MAK: variants seen among roughly 807,000 people sequenced by gnomAD.
MAK encodes the protein male germ cell associated kinase.
MAK carries 65 observed loss-of-function variants against 82.6 expected under a neutral mutation model. The ratio of observed to expected loss-of-function variants is 0.79; its 90% CI spans 0.64 to 0.97. MAK has a LOEUF of 0.97. Ranked by LOEUF, MAK falls within the 50% of genes least tolerant of loss-of-function variation. MAK has a pLI of 0.00. For synonymous variants in MAK, 250 were observed against 274.2 expected (o/e 0.91, Z 0.87); for missense variants, 703 against 780.2 (o/e 0.90, Z 1.18).
chr6:10,772,909 C>T lies in MAK; in HGVS notation c.1672+125G>A, dbSNP rs192501756. ...CAGAATGCTTTTCTTTATCTTAGTC[C>T]TGATCTGACTTCTCAAAGCGGATCA... On this transcript the variant is annotated intron_variant, in intron 13 of 14. Transcript: ENST00000354489. 2,387 of 638,516 alleles carry T rather than the reference C, an allele frequency of 3.7e-3. 8 individuals are homozygous for T. Among genetic ancestry groups the T allele is most frequent in the Non-Finnish European group, 4.7e-3 (1,677 of 357,864 alleles). The allele number at this position is 638,516 out of a possible 1,614,324, so 39.6% of individuals were successfully genotyped here.
intron 10 of MAK, among the ~76,000 whole-genome samples, chr6:10,790,003 G>A (rs1774937946): frequency 1.3e-5 from 2 of 152,126 alleles, no homozygotes; most frequent in African/African-American, 2.4e-5. Flanking sequence ...AACCATGGAA[G>A]GTGAAACTGC....
At position 10,798,114 on chromosome 6, in the gene MAK, C is replaced by T. The variant is rs1443262084; in HGVS notation, c.832-1805G>A. The T allele has an allele frequency of 1.7e-3, 236 of 138,476 alleles. 1 individual carries two copies. The highest frequency in any genetic ancestry group is 3.8e-3 in the Middle Eastern group (1 of 262). 8.6% of individuals were successfully genotyped at this position (138,476 alleles called of 1,614,324 possible). A position where few individuals can be genotyped will look rare whatever the true frequency, so the allele number is the denominator to read the frequency against. The stretch of plus-strand genomic sequence containing the variant: ...AGGCTTTATTTATAACAACTCTTCC[C>T]TTTTTTTTTTTTTTTTTTTTTGAGA... On this transcript the variant is annotated intron_variant, in intron 8 of 14. Transcript: ENST00000354489.
At chr6:10,774,625 T>A (rs1417016904) in intron 12 of MAK, among the ~76,000 whole-genome samples, 1 of 152,224 alleles carries the variant, frequency 6.6e-6, no homozygotes, top group African/African-American at 2.4e-5. Context: ...TTAAAAAAAC[T>A]TTTTAAATTA....
At chr6:10,777,685 C>T (rs1292010931) in intron 11 of MAK, among the ~76,000 whole-genome samples, 1 of 152,132 alleles carries the variant, frequency 6.6e-6, no homozygotes, top group African/African-American at 2.4e-5. Context: ...GTTGCCCAGG[C>T]TGGAGTGCAA....
intron 11 of MAK, among the ~76,000 whole-genome samples, chr6:10,783,920 G>A (rs544703645): frequency 6.6e-6 from 1 of 152,256 alleles, no homozygotes; most frequent in Non-Finnish European, 1.5e-5. Flanking sequence ...TCGGGAGGCT[G>A]AGGCAGGAGA....
chr6:10,766,674 A>G (rs1389763686), intron 14 of MAK, among the ~76,000 whole-genome samples: 1 of 152,170 alleles, frequency 6.6e-6, no homozygotes, highest in Non-Finnish European at 1.5e-5. Context: ...GCAGGGGTAG[A>G]AGAGACAGCG....
chr6:10,764,599 G>C lies in MAK; in HGVS notation c.1800C>G (p.Thr600=), dbSNP rs1772226736. ...APLNATASEY[T]WNTKTGRGQF... Reference sequence around the variant, plus strand: ...GCCCCCGACCAGTTTTTGTGTTCCAGGTATATTCTGAAAGAAATCAGATTT... The same window carrying C: ...GCCCCCGACCAGTTTTTGTGTTCCACGTATATTCTGAAAGAAATCAGATTT... Residue 600 remains threonine (T), a synonymous_variant, in exon 15 of 15, where the codon ACC becomes ACG. Transcript: ENST00000354489. 2 of 1,613,564 alleles carry C rather than the reference G, an allele frequency of 1.2e-6. No individual in the cohort carries two copies. Among genetic ancestry groups the C allele is most frequent in the African/African-American group, 2.7e-5 (2 of 74,846 alleles).
intron 4 of MAK, among the ~76,000 whole-genome samples, chr6:10,815,912 G>GTGTGTATATATATATATATATATATA (rs1554184483): frequency 1.8e-5 from 2 of 108,342 alleles, no homozygotes; most frequent in Non-Finnish European, 3.5e-5. Flanking sequence ...GCTTTATACA[G>GTGTGTATATATATATATATATATATA]TATATATATA....
chr6:10,768,808 T>C (rs1772710167), intron 14 of MAK, among the ~76,000 whole-genome samples: 1 of 152,234 alleles, frequency 6.6e-6, no homozygotes, highest in Non-Finnish European at 1.5e-5. Context: ...TTTATACATT[T>C]TTAGCTCCAA....
intron 11 of MAK, among the ~76,000 whole-genome samples, chr6:10,783,758 C>T (rs1418251289): frequency 3.3e-5 from 5 of 152,212 alleles, no homozygotes; most frequent in Admixed American, 6.5e-5. Context: ...CAGTGGCTCA[C>T]GCCTGTCATC....
At chr6:10,767,806 A>AC (rs371235168) in intron 14 of MAK, among the ~76,000 whole-genome samples, 11,280 of 129,450 alleles carry the variant, frequency 0.087, 524 homozygotes, top group Non-Finnish European at 0.1. Context: ...AAAAAAAAAA[A>AC]AAAAACAAAA....
chr6:10,804,449 T>C (rs759117708), intron 6 of MAK, among the ~76,000 whole-genome samples: 2 of 152,192 alleles, frequency 1.3e-5, no homozygotes, highest in Non-Finnish European at 2.9e-5. Context: ...TTCAAGTGAT[T>C]ATCCTGCCTC....
chr6:10,774,182 C>T (rs548482388), intron 12 of MAK, among the ~76,000 whole-genome samples: 1 of 152,132 alleles, frequency 6.6e-6, no homozygotes, highest in Admixed American at 6.6e-5. Flanking sequence ...ATTGGTCACT[C>T]TAAAATATGT....
chr6:10,804,515 G>A (rs1291504325), intron 6 of MAK, among the ~76,000 whole-genome samples: 1 of 152,190 alleles, frequency 6.6e-6, no homozygotes, highest in African/African-American at 2.4e-5. Context: ...GCTAATTTTT[G>A]TATTTTTAGT....
At chr6:10,829,397 T>G (rs1778609807) in intron 2 of MAK, among the ~76,000 whole-genome samples, 1 of 152,170 alleles carries the variant, frequency 6.6e-6, no homozygotes, top group Non-Finnish European at 1.5e-5. Flanking sequence ...TACTCTGCAC[T>G]CAACTTTAAA....
At chr6:10,785,788 C>G (rs2127534688) in intron 10 of MAK, among the ~76,000 whole-genome samples, 1 of 152,382 alleles carries the variant, frequency 6.6e-6, no homozygotes, top group Admixed American at 6.5e-5. Context: ...TAAATGCACA[C>G]ACTTGTCATG....
At chr6:10,815,626 G>A (rs1287060847) in intron 4 of MAK, among the ~76,000 whole-genome samples, 1 of 151,866 alleles carries the variant, frequency 6.6e-6, no homozygotes, top group Non-Finnish European at 1.5e-5. Context: ...GCAAGACCCT[G>A]TCTCTGAAAA....
intron 4 of MAK, among the ~76,000 whole-genome samples, chr6:10,814,641 C>T (rs1195762310): frequency 6.6e-6 from 1 of 151,194 alleles, no homozygotes; most frequent in African/African-American, 2.4e-5. Context: ...CCACTCCAGC[C>T]TGGTGACAGA....
At chr6:10,766,297 C>T (rs974505208) in intron 14 of MAK, among the ~76,000 whole-genome samples, 1 of 152,336 alleles carries the variant, frequency 6.6e-6, no homozygotes, top group East Asian at 1.9e-4. Flanking sequence ...GGAGGGAATT[C>T]TGTGAGCATG....
Sources: allele counts gnomAD v4.1 joint callset (sites outside exome capture counted in the v4.1 genomes callset), GRCh38; gene constraint gnomAD v4.1.1; transcripts MANE v1.5; gene names NCBI Gene and HGNC (gene_info 2026-07-23, HGNC 2026-07-21).